The following COL27A1 variants were observed in gnomAD, a reference collection of about 807,000 sequenced individuals.
COL27A1 encodes collagen type XXVII alpha 1 chain.
Under a neutral mutation model 251.3 loss-of-function variants are expected in COL27A1, and 106 were observed. The ratio of observed to expected loss-of-function variants is 0.42; its 90% CI spans 0.36 to 0.50. The LOEUF is 0.50. COL27A1 is among the 20% of genes least tolerant of loss of function. COL27A1 has a pLI of 0.00. For missense variants in COL27A1, 2,325 were observed against 2,522.8 expected (o/e 0.92, Z 1.68); for synonymous variants, 1,000 against 986.3 (o/e 1.01, Z -0.26).
At chr9:114,200,203 AG>A (rs1829470121) in intron 7 of COL27A1, among the ~76,000 whole-genome samples, 1 of 152,192 alleles carries the variant, frequency 6.6e-6, no homozygotes, top group African/African-American at 2.4e-5. Context: ...GTTCCTCTCA[AG>A]AAACTTCTCC....
intron 57 of COL27A1, 181 bp from the exon 58 acceptor site, chr9:114,306,339 T>G (rs1289183266): frequency 1.7e-6 from 1 of 601,516 alleles, no homozygotes. Context: ...CCTCTCCTCC[T>G]GCACTTTGTC....
In COL27A1 at chr9:114,290,031, T is replaced by A; in HGVS notation, c.4207-27T>A. ...GGTCCCACACCTCTACCAGGCAGCC[T>A]CCATCATGTGGCCCTTGATTTTTCA... On this transcript the variant is annotated intron_variant, in intron 45 of 60. Coordinates refer to ENST00000356083, the MANE Select transcript of COL27A1 (RefSeq NM_032888.4). The surrounding 1 kb of genome is among the most constrained non-coding windows in gnomAD (Gnocchi z 4.6). 6.2e-7 allele frequency: 1 copy of A among 1,611,224 alleles called. No homozygotes were observed. Among genetic ancestry groups the A allele is most frequent in the Non-Finnish European group, 8.5e-7 (1 of 1,179,788 alleles).
In COL27A1 at chr9:114,168,741, T is replaced by C; in HGVS notation, c.1186T>C (p.Phe396Leu). 2 of 1,613,976 alleles carry C rather than the reference T, an allele frequency of 1.2e-6. No homozygotes were observed. Among genetic ancestry groups the C allele is most frequent in the South Asian group, 1.1e-5 (1 of 91,080 alleles). ...HPTQKTAPSSFTKSALPTQKQ... is the reference protein window; with the variant it reads ...HPTQKTAPSSLTKSALPTQKQ... The stretch of plus-strand genomic sequence containing the variant: ...TACCCAGAAAACAGCTCCATCTTCA[T>C]TTACAAAGTCAGCCCTACCCACTCA... Residue 396 changes from phenylalanine to leucine, a missense_variant, in exon 3 of 61, where the codon TTT becomes CTT. Phe to Leu is a conservative substitution (Grantham distance 22). Around this residue, in one of 4 missense-constraint regions of COL27A1, gnomAD observed 1,183 missense variants for 1,144.1 expected, o/e 1.03. Coordinates refer to ENST00000356083, the MANE Select transcript of COL27A1 (RefSeq NM_032888.4).
rs148990468 is a variant in COL27A1, at chr9:114,168,448, C to T, written c.893C>T (p.Thr298Ile). ...PRGTVAPATPTKPQRTSPTNP... is the reference protein window; with the variant it reads ...PRGTVAPATPIKPQRTSPTNP... ...GGGACTGTGGCACCCGCCACGCCCA[C>T]CAAGCCCCAAAGGACTAGCCCCACA... The change falls in exon 3 of 61, where the codon ACC becomes ATC. Residue 298 changes from threonine (T) to isoleucine (I), a missense_variant. Physicochemically the swap from Thr to Ile is moderately conservative, Grantham distance 89. This residue lies in a region of COL27A1 where 1,183 missense variants were observed against 1,144.1 expected (regional missense o/e 1.03). Coordinates refer to ENST00000356083, the MANE Select transcript of COL27A1 (RefSeq NM_032888.4). The T allele has an allele frequency of 2.7e-4, 428 of 1,613,828 alleles. 2 individuals carry two copies. Among genetic ancestry groups the T allele is most frequent in the Middle Eastern group, 3.3e-4 (2 of 6,084 alleles).
At chr9:114,289,151 T>TCCC in intron 44 of COL27A1, 91 bp from the exon 45 acceptor site, 6 of 346,918 alleles carry the variant, frequency 1.7e-5, no homozygotes, top group South Asian at 2.7e-5. Context: ...CCCAAACCCC[T>TCCC]CCCCACCCCT....
chr9:114,213,554 ATC>A (rs1201681092), intron 12 of COL27A1, among the ~76,000 whole-genome samples: 1 of 152,198 alleles, frequency 6.6e-6, no homozygotes, highest in East Asian at 1.9e-4. Context: ...ACAGACAAAA[ATC>A]TCTGTTGTCA....
intron 19 of COL27A1, among the ~76,000 whole-genome samples, chr9:114,239,564 G>T (rs902193581): frequency 6.6e-6 from 1 of 152,180 alleles, no homozygotes; most frequent in African/African-American, 2.4e-5. Context: ...GCTCTGTGGG[G>T]CCCTAAGGAG....
At chr9:114,249,493 G>A (rs1033278211) in intron 24 of COL27A1, among the ~76,000 whole-genome samples, 1 of 152,214 alleles carries the variant, frequency 6.6e-6, no homozygotes, top group African/African-American at 2.4e-5. Context: ...GGAGGGGAAG[G>A]TGCGTGGTCT....
intron 23 of COL27A1, among the ~76,000 whole-genome samples, chr9:114,245,154 T>TTTG (rs1564517187): frequency 2.1e-5 from 3 of 139,554 alleles, no homozygotes; most frequent in East Asian, 4.0e-4. Context: ...TCTTGTTTTT[T>TTTG]TTTTTTTTTT....
intron 9 of COL27A1, 40 bp downstream of exon 9, chr9:114,205,852 A>T (rs745329027): frequency 1.6e-5 from 26 of 1,577,216 alleles, no homozygotes; most frequent in Non-Finnish European, 2.2e-5. Context: ...GGCCATGGTG[A>T]TGTGAAGATG....
At chr9:114,242,054 A>C in intron 21 of COL27A1, 133 bp from the exon 22 acceptor site, 1 of 698,248 alleles carries the variant, frequency 1.4e-6, no homozygotes, top group Non-Finnish European at 2.2e-6. Flanking sequence ...CAGGTGGGCC[A>C]GGCGTGCTGT....
chr9:114,219,180 C>T (rs889253705), intron 12 of COL27A1, among the ~76,000 whole-genome samples: 1 of 152,116 alleles, frequency 6.6e-6, no homozygotes, highest in Non-Finnish European at 1.5e-5. Flanking sequence ...AGGGATGGGG[C>T]GAGAGGGCCA....
intron 41 of COL27A1, among the ~76,000 whole-genome samples, chr9:114,286,376 G>T (rs1588873976): frequency 6.6e-6 from 1 of 152,286 alleles, no homozygotes; most frequent in East Asian, 1.9e-4. Context: ...TCAGAGACTA[G>T]CCCAGGATCT....
chr9:114,168,452 GC>G lies in COL27A1; in HGVS notation c.901del (p.Gln301LysfsTer157). ...CTGTGGCACCCGCCACGCCCACCAA[GC>G]CCCAAAGGACTAGCCCCACAAACCC... ...GTVAPATPTK[P>X]QRTSPTNPHQ... On this transcript the variant is annotated frameshift_variant, in exon 3 of 61. Transcript: ENST00000356083. LOFTEE classifies it high-confidence loss of function. The G allele has an allele frequency of 6.2e-7, 1 of 1,613,882 alleles. No individual in the cohort carries two copies. The highest frequency in any genetic ancestry group is 8.5e-7 in the Non-Finnish European group (1 of 1,179,938).
At chr9:114,297,749 C>T (rs1828351901) in intron 49 of COL27A1, among the ~76,000 whole-genome samples, 1 of 152,044 alleles carries the variant, frequency 6.6e-6, no homozygotes, top group African/African-American at 2.4e-5. Flanking sequence ...GAACACTTCC[C>T]CCAAGATCAG....
In COL27A1 at chr9:114,209,738, C is replaced by T. The variant is rs1387927963; in HGVS notation, c.2322+10C>T. The stretch of plus-strand genomic sequence containing the variant: ...GTCTGATGGAGAACGAGTAAGTTTG[C>T]TTCTTTGGTTATTCACCATCCACAG... On this transcript the variant is annotated intron_variant, in intron 11 of 60. Coordinates refer to ENST00000356083, the MANE Select transcript of COL27A1 (RefSeq NM_032888.4). The T allele has an allele frequency of 2.5e-6, 4 of 1,613,880 alleles. No individual in the cohort carries two copies. Among genetic ancestry groups the T allele is most frequent in the Non-Finnish European group, 3.4e-6 (4 of 1,179,768 alleles).
chr9:114,200,114 G>A (rs1204825417), intron 7 of COL27A1, among the ~76,000 whole-genome samples: 1 of 152,174 alleles, frequency 6.6e-6, no homozygotes, highest in Non-Finnish European at 1.5e-5. Flanking sequence ...GAAATGTGAT[G>A]GAGGCTGCCT....
intron 34 of COL27A1, 99 bp downstream of exon 34, chr9:114,267,656 G>T: frequency 1.7e-6 from 2 of 1,155,850 alleles, no homozygotes; most frequent in Non-Finnish European, 2.5e-6. Context: ...CTTTCTTGTG[G>T]CTGGGATAAT....
At chr9:114,220,810 A>G (rs186319142) in intron 13 of COL27A1, among the ~76,000 whole-genome samples, 53 of 152,234 alleles carry the variant, frequency 3.5e-4, no homozygotes, top group Admixed American at 3.0e-3. Context: ...CCTGGCCAAC[A>G]TGGCAAAACC....
Sources: allele counts gnomAD v4.1 joint callset (sites outside exome capture counted in the v4.1 genomes callset), GRCh38; gene constraint gnomAD v4.1.1; regional missense constraint gnomAD v4.1.1; non-coding constraint Gnocchi (gnomAD v3.1); transcripts MANE v1.5; gene names NCBI Gene and HGNC (gene_info 2026-07-23, HGNC 2026-07-21).